The following GUCY1B1 variants were observed in gnomAD, a reference collection of about 807,000 sequenced individuals.
GUCY1B1 encodes guanylate cyclase soluble subunit beta-1.
Under a neutral mutation model 71.0 loss-of-function variants are expected in GUCY1B1, and 43 were observed. The observed-to-expected ratio is 0.61, with a 90% CI of 0.47 to 0.78. The LOEUF is 0.78. GUCY1B1 is among the 30% of genes least tolerant of loss of function. The pLI is 0.00. For missense variants in GUCY1B1, 535 were observed against 754.1 expected (o/e 0.71, Z 3.40); for synonymous variants, 266 against 259.7 (o/e 1.02, Z -0.23).
At position 155,802,529 on chromosome 4, in the gene GUCY1B1, A is replaced by G; in HGVS notation, c.1363A>G (p.Thr455Ala). 6.2e-7 allele frequency: 1 copy of G among 1,612,362 alleles called. No individual in the cohort carries two copies. The highest frequency in any genetic ancestry group is 8.5e-7 in the Non-Finnish European group (1 of 1,179,160). The part of the protein sequence containing the change: ...KIVNLLNDLY[T>A]RFDTLTDSRK... ...CGTCAACCTCCTCAACGACCTCTAC[A>G]CCAGATTTGACACACTGACTGATTC... The change falls in exon 10 of 14, where the codon ACC becomes GCC. Residue 455 changes from threonine to alanine, a missense_variant. Thr to Ala is a moderately conservative substitution (Grantham distance 58). Transcript: ENST00000264424. The surrounding 1 kb of genome is among the most constrained non-coding windows in gnomAD (Gnocchi z 4.3).
At chr4:155,791,750 A>T (rs530413317) in intron 5 of GUCY1B1, among the ~76,000 whole-genome samples, 2 of 142,782 alleles carry the variant, frequency 1.4e-5, no homozygotes, top group South Asian at 2.4e-4. Flanking sequence ...AGAGAAAAAA[A>T]AAAAAATAAA....
At chr4:155,768,627 A>G (rs1395663648) in intron 2 of GUCY1B1, among the ~76,000 whole-genome samples, 3 of 151,914 alleles carry the variant, frequency 2.0e-5, no homozygotes, top group Non-Finnish European at 4.4e-5. Flanking sequence ...TACATTAAAG[A>G]AAAAAATCCC....
At chr4:155,789,623 C>T (rs1462197569) in intron 4 of GUCY1B1, 91 bp from the exon 5 acceptor site, 3 of 726,054 alleles carry the variant, frequency 4.1e-6, no homozygotes, top group Admixed American at 2.4e-5. Flanking sequence ...CACTAGACTC[C>T]GATTTGACTC....
intron 1 of GUCY1B1, 94 bp from the exon 2 acceptor site, chr4:155,759,693 C>T: frequency 1.2e-6 from 1 of 855,860 alleles, no homozygotes. Flanking sequence ...AAGGTTAAGC[C>T]AGCGCCATGG....
intron 4 of GUCY1B1, chr4:155,785,156 A>T: frequency 1.9e-6 from 1 of 520,206 alleles, no homozygotes. Context: ...TTAGAACATT[A>T]AGAAATGAAA....
chr4:155,766,429 C>G lies in GUCY1B1; in HGVS notation c.77+6569C>G, dbSNP rs562018082. Reference sequence around the variant, plus strand: ...ATATTCATCACCTCACATAGGCACCCTCTTTTTTTGTAGTGAGAACACTTA... The same window carrying G: ...ATATTCATCACCTCACATAGGCACCGTCTTTTTTTGTAGTGAGAACACTTA... On this transcript the variant is annotated intron_variant, in intron 2 of 13. Coordinates refer to ENST00000264424, the MANE Select transcript of GUCY1B1 (RefSeq NM_000857.5). Among the ~76,000 whole-genome samples, 3 of 152,228 alleles carry G rather than the reference C, an allele frequency of 2.0e-5. No homozygotes were observed. The South Asian group carries it at 6.2e-4, about 32-fold the overall frequency.
At chr4:155,779,150 G>A (rs1738251379) in intron 4 of GUCY1B1, among the ~76,000 whole-genome samples, 1 of 152,116 alleles carries the variant, frequency 6.6e-6, no homozygotes, top group Non-Finnish European at 1.5e-5. Flanking sequence ...AAACTGGGGA[G>A]TGGCTCACAC....
chr4:155,767,337 CATTT>C (rs1737407694), intron 2 of GUCY1B1, among the ~76,000 whole-genome samples: 1 of 152,080 alleles, frequency 6.6e-6, no homozygotes, highest in Non-Finnish European at 1.5e-5. Context: ...TAAGTAAATT[CATTT>C]GTCTGTTAAA....
At chr4:155,760,926 A>G (rs1358575009) in intron 2 of GUCY1B1, among the ~76,000 whole-genome samples, 1 of 152,196 alleles carries the variant, frequency 6.6e-6, no homozygotes. Context: ...ATTATTAGCA[A>G]TCAATTCTAA....
intron 2 of GUCY1B1, among the ~76,000 whole-genome samples, chr4:155,766,077 T>C (rs1737315011): frequency 6.6e-6 from 1 of 152,156 alleles, no homozygotes; most frequent in South Asian, 2.1e-4. Context: ...CTCTATGTAT[T>C]CAATAAAATA....
At chr4:155,789,583 G>A (rs936132532) in intron 4 of GUCY1B1, 131 bp from the exon 5 acceptor site, 33 of 547,244 alleles carry the variant, frequency 6.0e-5, no homozygotes, top group African/African-American at 5.0e-4. Context: ...AGTGAAGGAT[G>A]TGCTACATGT....
intron 2 of GUCY1B1, among the ~76,000 whole-genome samples, chr4:155,768,744 G>A (rs995215104): frequency 6.6e-6 from 1 of 152,132 alleles, no homozygotes; most frequent in East Asian, 1.9e-4. Flanking sequence ...GAGTAAGTAG[G>A]AAGTTGATTG....
intron 7 of GUCY1B1, among the ~76,000 whole-genome samples, chr4:155,796,174 G>C (rs112183392): frequency 6.6e-6 from 1 of 152,096 alleles, no homozygotes; most frequent in African/African-American, 2.4e-5. Context: ...GAATTCAGAC[G>C]GGACAGTCAC....
chr4:155,774,273 C>T (rs941420317), intron 2 of GUCY1B1, among the ~76,000 whole-genome samples: 7 of 152,138 alleles, frequency 4.6e-5, no homozygotes, highest in Non-Finnish European at 1.0e-4. Context: ...CCACATTGGC[C>T]TCTGCTGTCC....
chr4:155,803,765 G>A lies in GUCY1B1; in HGVS notation c.1554+1G>A. The A allele has an allele frequency of 6.4e-7, 1 of 1,560,222 alleles. No individual in the cohort carries two copies. Among genetic ancestry groups the A allele is most frequent in the Non-Finnish European group, 8.7e-7 (1 of 1,154,534 alleles). On this transcript the variant is annotated splice_donor_variant, in intron 11 of 13. Transcript: ENST00000264424. LOFTEE classifies it high-confidence loss of function. ...TCAAGTAGATGGTGAATCTGTTCAG[G>A]TTAGTAAATGAAGTAGATATTGTAA...
chr4:155,777,372 C>A (rs1358400494), intron 3 of GUCY1B1, among the ~76,000 whole-genome samples, 152 bp from the exon 4 acceptor site: 1 of 152,124 alleles, frequency 6.6e-6, no homozygotes, highest in African/African-American at 2.4e-5. Context: ...ATTGTATTGT[C>A]CTGGCGGGAT....
intron 2 of GUCY1B1, among the ~76,000 whole-genome samples, chr4:155,770,558 A>C (rs569254853): frequency 6.6e-6 from 1 of 152,310 alleles, no homozygotes; most frequent in East Asian, 1.9e-4. Context: ...TTATTCCTTC[A>C]TTGTATATTC....
Position 155,775,082 on chromosome 4 carries a change from A to G in GUCY1B1, c.178+14A>G, listed in dbSNP as rs1737951299. On this transcript the variant is annotated intron_variant, in intron 3 of 13. Coordinates refer to ENST00000264424, the MANE Select transcript of GUCY1B1 (RefSeq NM_000857.5). ...GCAAAGTCCTCAGTAAGTTGAATGC[A>G]ACTTTCCTTCTTTGGCCAAGTTACA... 7.2e-7 allele frequency: 1 copy of G among 1,392,584 alleles called. No homozygotes were observed. Among genetic ancestry groups the G allele is most frequent in the East Asian group, 2.3e-5 (1 of 43,918 alleles). The allele number at this position is 1,392,584 out of a possible 1,614,324, so 86.3% of individuals were successfully genotyped here.
chr4:155,783,025 G>C (rs1177333590), intron 4 of GUCY1B1, among the ~76,000 whole-genome samples: 1 of 152,178 alleles, frequency 6.6e-6, no homozygotes, highest in Non-Finnish European at 1.5e-5. Context: ...TTCTAATTTA[G>C]CCAGACAACC....
Sources: gnomAD v4.1 joint callset for allele counts (sites outside exome capture counted in the v4.1 genomes callset) on GRCh38, gnomAD v4.1.1 for gene constraint, Gnocchi (gnomAD v3.1) non-coding constraint, MANE v1.5 for transcripts, NCBI Gene and HGNC (gene_info 2026-07-23, HGNC 2026-07-21) for gene names.